The following TRPS1 variants were observed in gnomAD, a reference collection of about 807,000 sequenced individuals.
The protein encoded by TRPS1 is transcriptional repressor GATA binding 1.
TRPS1 carries 6 observed loss-of-function variants against 101.2 expected under a neutral mutation model. That is an observed-to-expected ratio of 0.06 (90% CI 0.03 to 0.12). TRPS1 has a LOEUF of 0.12. Ranked by LOEUF, TRPS1 falls within the 10% of genes least tolerant of loss-of-function variation. The probability of loss-of-function intolerance (pLI) is 1.00; values close to 1 mark genes in which losing one functional copy is unlikely to be tolerated. For missense variants in TRPS1, 1,363 were observed against 1,567.0 expected (o/e 0.87, Z 2.20); for synonymous variants, 578 against 589.8 (o/e 0.98, Z 0.29).
intron 5 of TRPS1, among the ~76,000 whole-genome samples, chr8:115,498,415 C>CTCTCTCTCTCTCTCTA (rs1486361297): frequency 5.1e-5 from 2 of 39,312 alleles, no homozygotes; most frequent in East Asian, 1.9e-3. Context: ...CTCTCTCTCT[C>CTCTCTCTCTCTCTCTA]TATATATATA....
intron 5 of TRPS1, among the ~76,000 whole-genome samples, chr8:115,445,950 T>C (rs1259774827): frequency 1.3e-5 from 2 of 152,144 alleles, no homozygotes; most frequent in African/African-American, 2.4e-5. Context: ...ATATATTTAT[T>C]ATGAAGTTTT....
chr8:115,591,603 A>C (rs1208078870), intron 4 of TRPS1, among the ~76,000 whole-genome samples: 1 of 152,152 alleles, frequency 6.6e-6, no homozygotes, highest in Non-Finnish European at 1.5e-5. Context: ...TGCTGTCATC[A>C]TCCTGGAGAG....
intron 5 of TRPS1, among the ~76,000 whole-genome samples, chr8:115,463,722 TA>T (rs1814247573): frequency 6.6e-6 from 1 of 152,260 alleles, no homozygotes; most frequent in Admixed American, 6.5e-5. Flanking sequence ...AATTTAAATT[TA>T]AAAATAATTT....
At chr8:115,517,635 C>T (rs1377158319) in intron 5 of TRPS1, among the ~76,000 whole-genome samples, 1 of 151,656 alleles carries the variant, frequency 6.6e-6, no homozygotes, top group Admixed American at 6.6e-5. Flanking sequence ...TTATGATATA[C>T]TAAAAATTAT....
intron 5 of TRPS1, among the ~76,000 whole-genome samples, chr8:115,499,468 G>A (rs951742891): frequency 1.3e-5 from 2 of 151,796 alleles, no homozygotes; most frequent in Non-Finnish European, 2.9e-5. Flanking sequence ...TCCTACCATC[G>A]AGAGGGCCCT....
At chr8:115,457,935 C>T (rs2129956937) in intron 5 of TRPS1, among the ~76,000 whole-genome samples, 1 of 152,242 alleles carries the variant, frequency 6.6e-6, no homozygotes, top group Middle Eastern at 3.4e-3. Flanking sequence ...GTGTAGACAT[C>T]TGCAGGAAGT....
At chr8:115,457,262 A>T (rs1444095011) in intron 5 of TRPS1, among the ~76,000 whole-genome samples, 1 of 152,230 alleles carries the variant, frequency 6.6e-6, no homozygotes, top group Non-Finnish European at 1.5e-5. Flanking sequence ...CATACAATAG[A>T]ATATTATACA....
Position 115,418,262 on chromosome 8 carries a change from A to G in TRPS1, c.2823+68T>C, listed in dbSNP as rs965639239. 10 of 1,613,200 alleles carry G rather than the reference A, an allele frequency of 6.2e-6. No homozygotes were observed. The African/African-American group carries it at 1.3e-4, about 22-fold the overall frequency. Reference sequence around the variant, plus strand: ...CACTGCAAGCCAGGGAATGGGACTTATCACACCACAGACCAGGCCAACACT... The same window carrying G: ...CACTGCAAGCCAGGGAATGGGACTTGTCACACCACAGACCAGGCCAACACT... On this transcript the variant is annotated intron_variant, in intron 6 of 6. Transcript: ENST00000395715. This position sits in a 1 kb window ranked among gnomAD's most constrained non-coding sequence, Gnocchi z 4.3.
rs1394325276 is a variant in TRPS1 at position 115,409,715 on chromosome 8, C to G, written c.*4308G>C. Reference sequence around the variant, plus strand: ...TTCTTTGGGAAAATAACAATGCCCTCCAAAGTCCCGACGGGCGTCCTTCTA... The same window carrying G: ...TTCTTTGGGAAAATAACAATGCCCTGCAAAGTCCCGACGGGCGTCCTTCTA... On this transcript the variant is annotated 3_prime_UTR_variant, in exon 7 of 7. Transcript: ENST00000395715. 6.6e-6 allele frequency: 1 copy of G among 152,098 alleles called. No individual in the cohort carries two copies. The highest frequency in any genetic ancestry group is 2.4e-5 in the African/African-American group (1 of 41,428). 9.4% of individuals were successfully genotyped at this position (152,098 alleles called of 1,614,324 possible).
At chr8:115,429,452 G>A (rs952421436) in intron 5 of TRPS1, among the ~76,000 whole-genome samples, 8 of 152,064 alleles carry the variant, frequency 5.3e-5, no homozygotes, top group African/African-American at 1.7e-4. Context: ...GCACTCATAC[G>A]AGCCTTACTC....
intron 5 of TRPS1, among the ~76,000 whole-genome samples, chr8:115,457,882 G>A (rs953163720): frequency 6.6e-6 from 1 of 152,184 alleles, no homozygotes; most frequent in Non-Finnish European, 1.5e-5. Flanking sequence ...AGTGAGGAGA[G>A]AAATTAATGA....
chr8:115,619,347 C>A lies in TRPS1; in HGVS notation c.751G>T (p.Asp251Tyr). ...GYGYYGNDPTDLIKHFRKYHL... is the reference protein window; with the variant it reads ...GYGYYGNDPTYLIKHFRKYHL... ...TACTTTCGGAAGTGCTTAATCAGAT[C>A]TGTGGGGTCGTTGCCGTAGTAACCA... Residue 251 changes from aspartate (D) to tyrosine (Y), a missense_variant, in exon 3 of 7, where the codon GAT becomes TAT. Coordinates refer to ENST00000395715, the MANE Select transcript of TRPS1 (RefSeq NM_014112.5). 6.2e-7 allele frequency: 1 copy of A among 1,614,220 alleles called. No homozygotes were observed. Among genetic ancestry groups the A allele is most frequent in the Non-Finnish European group, 8.5e-7 (1 of 1,180,042 alleles).
In TRPS1 at chr8:115,604,508, C is replaced by T; in HGVS notation, c.1461G>A (p.Lys487=). ...GATTAATGACAGAGCCCCTGGAAAGCTTATCATTTAACTCTGGATTAAGGC... is the reference window on the plus strand; with the variant it reads ...GATTAATGACAGAGCCCCTGGAAAGTTTATCATTTAACTCTGGATTAAGGC... ...SGGLNPELND[K]LSRGSVINQN... Residue 487 remains lysine (K), a synonymous_variant, in exon 4 of 7, where the codon AAG becomes AAA. Coordinates refer to ENST00000395715, the MANE Select transcript of TRPS1 (RefSeq NM_014112.5). The surrounding 1 kb of genome is among the most constrained non-coding windows in gnomAD (Gnocchi z 4.1). 1 of 1,614,082 alleles carries T rather than the reference C, an allele frequency of 6.2e-7. No individual in the cohort carries two copies. Among genetic ancestry groups the T allele is most frequent in the Non-Finnish European group, 8.5e-7 (1 of 1,179,984 alleles).
chr8:115,658,398 A>T (rs1811722934), intron 1 of TRPS1, among the ~76,000 whole-genome samples: 1 of 152,126 alleles, frequency 6.6e-6, no homozygotes, highest in African/African-American at 2.4e-5. Context: ...TATGTCAGAG[A>T]TATATAAATA....
At chr8:115,435,486 G>C (rs921115363) in intron 5 of TRPS1, among the ~76,000 whole-genome samples, 1 of 152,058 alleles carries the variant, frequency 6.6e-6, no homozygotes, top group African/African-American at 2.4e-5. Flanking sequence ...CAGTTCCCAC[G>C]AGGTCCTCAG....
chr8:115,442,435 C>T (rs1389973534), intron 5 of TRPS1, among the ~76,000 whole-genome samples: 2 of 147,622 alleles, frequency 1.4e-5, no homozygotes, highest in African/African-American at 4.8e-5. Flanking sequence ...TTCTCTAATT[C>T]TGTCTATGGC....
At chr8:115,437,437 T>G (rs2129862180) in intron 5 of TRPS1, among the ~76,000 whole-genome samples, 1 of 152,354 alleles carries the variant, frequency 6.6e-6, no homozygotes, top group Admixed American at 6.5e-5. Context: ...AAAGTTTATC[T>G]GTACTTGAAA....
chr8:115,634,196 T>C (rs1043087908), intron 1 of TRPS1, among the ~76,000 whole-genome samples: 1 of 152,174 alleles, frequency 6.6e-6, no homozygotes, highest in Non-Finnish European at 1.5e-5. Context: ...TTAACACTAT[T>C]CCACGGAGTT....
At chr8:115,476,662 T>C (rs1057426544) in intron 5 of TRPS1, among the ~76,000 whole-genome samples, 2 of 152,230 alleles carry the variant, frequency 1.3e-5, no homozygotes, top group African/African-American at 4.8e-5. Flanking sequence ...GGTTTCTGCC[T>C]AACCAGCAAG....
Sources: gnomAD v4.1 joint callset for allele counts (sites outside exome capture counted in the v4.1 genomes callset) on GRCh38, gnomAD v4.1.1 for gene constraint, Gnocchi (gnomAD v3.1) non-coding constraint, MANE v1.5 for transcripts, NCBI Gene and HGNC (gene_info 2026-07-23, HGNC 2026-07-21) for gene names.